Variants in MSI2 observed in about 807,000 individuals in gnomAD.
MSI2 encodes musashi RNA binding protein 2.
A neutral mutation model predicts 45.6 loss-of-function variants in MSI2; 17 were observed. The ratio of observed to expected loss-of-function variants is 0.37; its 90% CI spans 0.26 to 0.56. MSI2 has a LOEUF of 0.56. Ranked by LOEUF, MSI2 falls within the 20% of genes least tolerant of loss-of-function variation. MSI2 has a pLI of 0.77. For missense variants in MSI2, 293 were observed against 444.2 expected (o/e 0.66, Z 3.06); for synonymous variants, 156 against 158.2 (o/e 0.99, Z 0.11).
At chr17:57,441,806 C>T (rs2084804590) in intron 6 of MSI2, among the ~76,000 whole-genome samples, 1 of 152,196 alleles carries the variant, frequency 6.6e-6, no homozygotes, top group Non-Finnish European at 1.5e-5. Context: ...TTGCCTGGCA[C>T]ACAGTAGGTG....
intron 7 of MSI2, among the ~76,000 whole-genome samples, chr17:57,533,707 A>G (rs961806366): frequency 3.9e-5 from 6 of 152,172 alleles, no homozygotes; most frequent in Admixed American, 2.0e-4. Context: ...CAGAGGGAGA[A>G]GCTGACTTGC....
chr17:57,420,782 G>T (rs2084380915), intron 6 of MSI2, among the ~76,000 whole-genome samples: 1 of 152,286 alleles, frequency 6.6e-6, no homozygotes, highest in African/African-American at 2.4e-5. Flanking sequence ...GGCCAATGAG[G>T]AGCTTAATTT....
intron 6 of MSI2, among the ~76,000 whole-genome samples, chr17:57,428,363 C>T (rs1011506724): frequency 6.6e-6 from 1 of 151,822 alleles, no homozygotes; most frequent in Admixed American, 6.6e-5. Flanking sequence ...GTTGGGATTA[C>T]AGGCATGAGC....
At chr17:57,533,465 G>T (rs573018075) in intron 7 of MSI2, among the ~76,000 whole-genome samples, 8 of 152,178 alleles carry the variant, frequency 5.3e-5, no homozygotes, top group Non-Finnish European at 1.0e-4. Context: ...AGCATCTCAG[G>T]TTCTTCCTCT....
chr17:57,616,025 G>T lies in MSI2; in HGVS notation c.593G>T (p.Gly198Val). 6.2e-7 allele frequency: 1 copy of T among 1,614,174 alleles called. No individual in the cohort carries two copies. Among genetic ancestry groups the T allele is most frequent in the Non-Finnish European group, 8.5e-7 (1 of 1,180,026 alleles). ...GTCATGTTCCCACCTGGGACAAGAG[G>T]CCGGGCCCGGGGACTGCCTTACACC... ...KEVMFPPGTR[G>V]RARGLPYTMD... Residue 198 changes from glycine to valine, a missense_variant, in exon 9 of 14, where the codon GGC becomes GTC. Gly to Val is a moderately radical substitution (Grantham distance 109). Coordinates refer to ENST00000284073, the MANE Select transcript of MSI2 (RefSeq NM_138962.4).
chr17:57,652,103 C>T lies in MSI2; in HGVS notation c.732C>T (p.Phe244=). The T allele has an allele frequency of 6.2e-7, 1 of 1,614,112 alleles. No individual in the cohort carries two copies. The highest frequency in any genetic ancestry group is 8.5e-7 in the Non-Finnish European group (1 of 1,180,002). Residue 244 remains phenylalanine, a synonymous_variant, in exon 11 of 14, where the codon TTC becomes TTT. Coordinates refer to ENST00000284073, the MANE Select transcript of MSI2 (RefSeq NM_138962.4). This position sits in a 1 kb window ranked among gnomAD's most constrained non-coding sequence, Gnocchi z 4.1. ...GCTCCTCTCTCTCCTGACCAGGCTT[C>T]CCAGCAGCGGCTTATGGACCAGTGG... is the stretch of plus-strand genomic sequence containing the variant. ...APSYGYQFPG[F]PAAAYGPVAA...
In MSI2 at chr17:57,679,461, C is replaced by T. The variant is rs149712864; in HGVS notation, c.*32-88C>T. On this transcript the variant is annotated intron_variant, in intron 13 of 13. Coordinates refer to ENST00000284073, the MANE Select transcript of MSI2 (RefSeq NM_138962.4). ...CTCTAGTTAAAACAGTGGAGGAAAT[C>T]GCATACTTGTCTGACACTTCTTTCT... 164 of 634,092 alleles carry T rather than the reference C, an allele frequency of 2.6e-4. No homozygotes were observed. The East Asian group carries it at 0.01, about 39-fold the overall frequency. 39.3% of individuals were successfully genotyped at this position (634,092 alleles called of 1,614,324 possible). A position where few individuals can be genotyped will look rare whatever the true frequency, so the allele number is the denominator to read the frequency against.
intron 6 of MSI2, among the ~76,000 whole-genome samples, chr17:57,428,320 T>C (rs2084531909): frequency 2.0e-5 from 3 of 152,038 alleles, no homozygotes; most frequent in Admixed American, 6.5e-5. Context: ...ATCTCTGGGC[T>C]CAAGCAATCC....
intron 6 of MSI2, among the ~76,000 whole-genome samples, chr17:57,511,422 A>G (rs2086352719): frequency 6.6e-6 from 1 of 152,154 alleles, no homozygotes; most frequent in Non-Finnish European, 1.5e-5. Context: ...GACACAGAGA[A>G]GGTTCATTAA....
intron 5 of MSI2, among the ~76,000 whole-genome samples, chr17:57,383,666 A>T (rs1313778111): frequency 1.3e-5 from 2 of 152,028 alleles, no homozygotes; most frequent in Non-Finnish European, 2.9e-5. Context: ...GTCTAAAAAA[A>T]ATAAAATAAT....
chr17:57,369,002 G>A (rs190494627), intron 5 of MSI2, among the ~76,000 whole-genome samples: 54 of 152,250 alleles, frequency 3.5e-4, no homozygotes, highest in African/African-American at 1.2e-3. Flanking sequence ...CTCACCATGA[G>A]ATTTTTTTCT....
intron 6 of MSI2, among the ~76,000 whole-genome samples, chr17:57,484,190 C>T (rs1002736919): frequency 2.6e-5 from 4 of 152,178 alleles, no homozygotes; most frequent in Admixed American, 2.0e-4. Context: ...TCTTGGCCTC[C>T]GTTAGCAGTC....
chr17:57,576,083 A>G (rs948279633), intron 7 of MSI2, among the ~76,000 whole-genome samples: 1 of 152,190 alleles, frequency 6.6e-6, no homozygotes, highest in African/African-American at 2.4e-5. Flanking sequence ...GTTTTTAGGA[A>G]TCATTTGTAA....
At chr17:57,604,699 G>A (rs1033916170) in intron 8 of MSI2, among the ~76,000 whole-genome samples, 3 of 152,158 alleles carry the variant, frequency 2.0e-5, no homozygotes, top group Non-Finnish European at 4.4e-5. Flanking sequence ...GGATTGACTC[G>A]GAACAGGGGA....
intron 6 of MSI2, among the ~76,000 whole-genome samples, chr17:57,441,600 A>G (rs887183627): frequency 1.3e-5 from 2 of 152,176 alleles, no homozygotes; most frequent in African/African-American, 4.8e-5. Flanking sequence ...ACAGGACCCT[A>G]TAAGACAAAG....
intron 7 of MSI2, among the ~76,000 whole-genome samples, chr17:57,566,476 C>T (rs928059579): frequency 6.6e-6 from 1 of 152,136 alleles, no homozygotes; most frequent in Admixed American, 6.5e-5. Context: ...GAAGCCCTGG[C>T]CCCCTGGGTC....
chr17:57,340,753 G>A (rs1223732156), intron 5 of MSI2, among the ~76,000 whole-genome samples: 1 of 152,152 alleles, frequency 6.6e-6, no homozygotes, highest in African/African-American at 2.4e-5. Flanking sequence ...TGACTCTGGG[G>A]TAGACATGGG....
At chr17:57,598,098 G>C (rs113193666) in intron 8 of MSI2, among the ~76,000 whole-genome samples, 19 of 152,254 alleles carry the variant, frequency 1.2e-4, no homozygotes, top group African/African-American at 4.6e-4. Flanking sequence ...TTCTTTGTTG[G>C]TTCCAGAAAA....
rs397856811 is a variant in MSI2 at position 57,682,317 on chromosome 17, TC to T, written c.*2812del. On this transcript the variant is annotated 3_prime_UTR_variant, in exon 14 of 14. Coordinates refer to ENST00000284073, the MANE Select transcript of MSI2 (RefSeq NM_138962.4). ...GGCGGACTCTACGGCGTTTTGTAGA[TC>T]CCCCCCCCCCCACCCACTGTGAAGG... 0.054 allele frequency: 6,429 copies of T among 119,582 alleles called. 66 individuals are homozygous for T. Among genetic ancestry groups the T allele is most frequent in the East Asian group, 0.11 (597 of 5,526 alleles). 7.4% of individuals were successfully genotyped at this position (119,582 alleles called of 1,614,324 possible).
Sources: gnomAD v4.1 joint callset for allele counts (sites outside exome capture counted in the v4.1 genomes callset) on GRCh38, gnomAD v4.1.1 for gene constraint, Gnocchi (gnomAD v3.1) non-coding constraint, MANE v1.5 for transcripts, NCBI Gene and HGNC (gene_info 2026-07-23, HGNC 2026-07-21) for gene names.